The following OPHN1 variants were observed in gnomAD, a reference collection of about 807,000 sequenced individuals.
OPHN1 encodes oligophrenin-1.
Under a neutral mutation model 60.7 loss-of-function variants are expected in OPHN1, and 11 were observed. The observed-to-expected ratio is 0.18, with a 90% CI of 0.11 to 0.30. The LOEUF is 0.30. Ranked by LOEUF, OPHN1 falls within the 10% of genes least tolerant of loss-of-function variation. The pLI is 1.00. For missense variants in OPHN1, 449 were observed against 611.0 expected, an observed-to-expected ratio of 0.73 and a Z score of 2.80; for synonymous variants, 226 against 222.6, an observed-to-expected ratio of 1.02 and a Z score of -0.14.
At chrX:68,352,824 T>C (rs941262719) in intron 2 of OPHN1, among the ~76,000 whole-genome samples, 2 of 111,806 alleles carry the variant, frequency 1.8e-5, no homozygotes, top group Non-Finnish European at 3.8e-5. Flanking sequence ...GGGAAAAAAG[T>C]CATCCACAGA....
chrX:68,261,133 A>T (rs1441385141), intron 5 of OPHN1, among the ~76,000 whole-genome samples: 4 of 111,299 alleles, frequency 3.6e-5, no homozygotes, highest in Middle Eastern at 4.2e-3. Context: ...ACTCTCCATG[A>T]AGTGGGTTAA....
At chrX:68,104,075 G>A (rs1266164504) in intron 18 of OPHN1, among the ~76,000 whole-genome samples, 2 of 111,577 alleles carry the variant, frequency 1.8e-5, no homozygotes, top group East Asian at 5.7e-4. Context: ...CTGCTACAAA[G>A]AGAATAAAAT....
At chrX:68,158,755 T>C (rs959330915) in intron 15 of OPHN1, among the ~76,000 whole-genome samples, 2 of 111,556 alleles carry the variant, frequency 1.8e-5, no homozygotes, top group African/African-American at 6.5e-5. Context: ...TAGCAGGTGA[T>C]TGGAATTTTT....
intron 6 of OPHN1, among the ~76,000 whole-genome samples, chrX:68,221,644 T>A (rs1359670806): frequency 8.5e-5 from 5 of 58,676 alleles, no homozygotes; most frequent in Non-Finnish European, 1.7e-4. Flanking sequence ...AACTATCTGA[T>A]CTTTGACAAA....
At chrX:68,194,986 AAGAG>A (rs1312674649) in intron 12 of OPHN1, among the ~76,000 whole-genome samples, 1 of 91,316 alleles carries the variant, frequency 1.1e-5, no homozygotes, top group Non-Finnish European at 2.1e-5. Flanking sequence ...GAAAGAAAGA[AAGAG>A]AGAGAGAGAA....
chrX:68,289,260 A>T (rs775686180), intron 3 of OPHN1, among the ~76,000 whole-genome samples: 1 of 111,999 alleles, frequency 8.9e-6, no homozygotes, highest in East Asian at 2.8e-4. Context: ...TTTTCTTTTT[A>T]AAAAAAGACC....
Position 68,279,784 on chromosome X carries a change from C to T in OPHN1, c.312+3272G>A, listed in dbSNP as rs146768760. Among the ~76,000 whole-genome samples, 491 of 111,285 alleles carry T rather than the reference C, an allele frequency of 4.4e-3. 4 individuals carry two copies. The highest frequency in any genetic ancestry group is 0.015 in the African/African-American group (469 of 30,622). ...AAATAGGGAGCAAACACTCAATATA[C>T]GATTGAAAAGTTGTTGGGACAAAAG... On this transcript the variant is annotated intron_variant, in intron 4 of 24. Transcript: ENST00000355520.
chrX:68,324,624 A>T (rs1363257543), intron 2 of OPHN1, among the ~76,000 whole-genome samples: 3 of 108,612 alleles, frequency 2.8e-5, no homozygotes, highest in Non-Finnish European at 5.7e-5. Context: ...AAAAAAAAAA[A>T]AAAATCTAAA....
chrX:68,186,590 G>C (rs756541785), intron 15 of OPHN1, among the ~76,000 whole-genome samples: 14 of 111,517 alleles, frequency 1.3e-4, no homozygotes, highest in Non-Finnish European at 2.3e-4. Flanking sequence ...GGCTGGCAAA[G>C]AGCTGAGACA....
At chrX:68,096,788 G>C (rs895956617) in intron 19 of OPHN1, 82 bp downstream of exon 19, 5 of 986,512 alleles carry the variant, frequency 5.1e-6, no homozygotes, top group Non-Finnish European at 7.2e-6. Flanking sequence ...GTGAGCCAAG[G>C]AGGAAGACAC....
chrX:68,094,904 C>T (rs182045192), intron 19 of OPHN1, among the ~76,000 whole-genome samples: 2 of 111,396 alleles, frequency 1.8e-5, no homozygotes, highest in Non-Finnish European at 3.8e-5. Context: ...AATCCTTTCT[C>T]TCTGGATAGG....
At chrX:68,303,441 G>A (rs970619875) in intron 2 of OPHN1, among the ~76,000 whole-genome samples, 1 of 110,893 alleles carries the variant, frequency 9.0e-6, no homozygotes, top group African/African-American at 3.3e-5. Flanking sequence ...AAGGTCAGGA[G>A]TTTGAGACCA....
At chrX:68,426,785 C>G (rs1174548579) in intron 2 of OPHN1, among the ~76,000 whole-genome samples, 1 of 96,970 alleles carries the variant, frequency 1.0e-5, no homozygotes, top group Non-Finnish European at 2.1e-5. Flanking sequence ...TCCGGAAGAT[C>G]CTTTGAGCCC....
intron 2 of OPHN1, among the ~76,000 whole-genome samples, chrX:68,418,065 G>C (rs1217218672): frequency 8.9e-6 from 1 of 112,455 alleles, no homozygotes; most frequent in African/African-American, 3.2e-5. Context: ...ATTGCCAGAG[G>C]AGCAGAAGCT....
chrX:68,138,501 C>T (rs778516649), intron 15 of OPHN1, among the ~76,000 whole-genome samples: 2 of 111,957 alleles, frequency 1.8e-5, no homozygotes, highest in East Asian at 5.6e-4. Context: ...CATATGGCCA[C>T]ACGGACTACT....
chrX:68,146,844 G>A (rs760014051), intron 15 of OPHN1, among the ~76,000 whole-genome samples: 4 of 74,009 alleles, frequency 5.4e-5, no homozygotes, highest in African/African-American at 8.9e-5. Context: ...ACACAAAGGC[G>A]TGTGTCTGTG....
intron 15 of OPHN1, among the ~76,000 whole-genome samples, chrX:68,157,804 T>C (rs2077316373): frequency 8.9e-6 from 1 of 112,092 alleles, no homozygotes; most frequent in Non-Finnish European, 1.9e-5. Flanking sequence ...ACAGACAAAA[T>C]TCATACCCCT....
chrX:68,392,690 G>A (rs758743488), intron 2 of OPHN1, among the ~76,000 whole-genome samples: 5 of 109,316 alleles, frequency 4.6e-5, no homozygotes, highest in African/African-American at 1.7e-4. Context: ...AGAAGCAGAC[G>A]AGGAGACAAG....
intron 2 of OPHN1, among the ~76,000 whole-genome samples, chrX:68,358,286 A>G (rs1449943412): frequency 9.0e-6 from 1 of 110,593 alleles, no homozygotes; most frequent in Non-Finnish European, 1.9e-5. Context: ...ACACCACTGC[A>G]CTCCAGCCTG....
Sources: gnomAD v4.1 joint callset for allele counts (sites outside exome capture counted in the v4.1 genomes callset) on GRCh38, gnomAD v4.1.1 for gene constraint, MANE v1.5 for transcripts, NCBI Gene and HGNC (gene_info 2026-07-23, HGNC 2026-07-21) for gene names.